The following CASK variants were observed in gnomAD, a reference collection of about 807,000 sequenced individuals.
CASK encodes peripheral plasma membrane protein CASK.
A neutral mutation model predicts 82.9 loss-of-function variants in CASK; 4 were observed. The ratio of observed to expected loss-of-function variants is 0.05; its 90% CI spans 0.02 to 0.11. The LOEUF (loss-of-function observed/expected upper bound fraction) is 0.11, where lower values mean the gene tolerates loss of function less well. Among genes scored for constraint, CASK ranks in the 10% least tolerant of loss-of-function variants. The pLI is 1.00. For missense variants in CASK, 358 were observed against 720.9 expected (o/e 0.50, Z 5.76); for synonymous variants, 259 against 253.5 (o/e 1.02, Z -0.20).
At chrX:41,844,955 CTA>C (rs1569466695) in intron 2 of CASK, among the ~76,000 whole-genome samples, 1 of 111,800 alleles carries the variant, frequency 8.9e-6, no homozygotes, top group Non-Finnish European at 1.9e-5. Context: ...CCACTGGCTA[CTA>C]TGTTAATTTC....
chrX:41,898,250 G>A (rs2072306812), intron 1 of CASK, among the ~76,000 whole-genome samples: 1 of 110,894 alleles, frequency 9.0e-6, no homozygotes, highest in Non-Finnish European at 1.9e-5. Flanking sequence ...CAAATTTGTT[G>A]GTATATAATT....
At chrX:41,839,467 A>G in intron 2 of CASK, among the ~76,000 whole-genome samples, 1 of 110,880 alleles carries the variant, frequency 9.0e-6, no homozygotes, top group East Asian at 2.8e-4. Flanking sequence ...GTATAGAGAA[A>G]TAACTGATTT....
chrX:41,799,818 G>A (rs2147859047), intron 2 of CASK, among the ~76,000 whole-genome samples: 1 of 103,318 alleles, frequency 9.7e-6, no homozygotes, highest in African/African-American at 3.5e-5. Flanking sequence ...CCACAGCTCT[G>A]TTTTGCCAAA....
At chrX:41,748,187 T>A (rs2068724931) in intron 3 of CASK, 1 of 113,933 alleles carries the variant, frequency 8.8e-6, no homozygotes, top group South Asian at 3.6e-4. Context: ...TTTAGGCTCT[T>A]TCTGCCATCT....
intron 1 of CASK, among the ~76,000 whole-genome samples, chrX:41,900,140 T>C (rs187856765): frequency 1.8e-4 from 20 of 110,608 alleles, no homozygotes; most frequent in African/African-American, 4.3e-4. Flanking sequence ...GATAGTCTTA[T>C]AGAGGTTTCC....
intron 10 of CASK, among the ~76,000 whole-genome samples, chrX:41,625,280 G>A (rs1480253839): frequency 9.5e-6 from 1 of 105,630 alleles, no homozygotes; most frequent in Non-Finnish European, 1.9e-5. Flanking sequence ...CTGCCTGCCG[G>A]GTTCACGCCA....
rs766036496 is a variant in CASK, at chrX:41,691,308, C to G, written c.430-19778G>C. Among the ~76,000 whole-genome samples, 5 of 111,829 alleles carry G rather than the reference C, an allele frequency of 4.5e-5. No homozygotes were observed. The South Asian group carries it at 1.9e-3, about 41-fold the overall frequency. ...TGAATGATTTGTGATTCTGTAAACT[C>G]TGGATTTACTTCCTTATAATAATGG... On this transcript the variant is annotated intron_variant, in intron 5 of 26. Coordinates refer to ENST00000378163, the MANE Select transcript of CASK (RefSeq NM_001367721.1).
In CASK at chrX:41,923,446, G is replaced by A. The variant is rs927158026; in HGVS notation, c.-458C>T. On this transcript the variant is annotated 5_prime_UTR_variant, in exon 1 of 27. Transcript: ENST00000378163. ...GGACCATGGAGCGAGGATCGCCGCG[G>A]AGGGAGGTGGCGGCGGCGGCGGATC... The A allele has an allele frequency of 8.1e-5, 9 of 111,457 alleles. No individual in the cohort carries two copies. Among genetic ancestry groups the A allele is most frequent in the South Asian group, 3.5e-4 (1 of 2,875 alleles). The allele number at this position is 111,457 out of a possible 1,213,427, so 9.2% of individuals were successfully genotyped here.
chrX:41,846,647 A>G (rs2071161365), intron 2 of CASK, among the ~76,000 whole-genome samples: 1 of 112,052 alleles, frequency 8.9e-6, no homozygotes, highest in Non-Finnish European at 1.9e-5. Flanking sequence ...GAAGTGATGA[A>G]TACCTCATTT....
At chrX:41,917,482 A>G (rs1369256854) in intron 1 of CASK, among the ~76,000 whole-genome samples, 2 of 112,293 alleles carry the variant, frequency 1.8e-5, no homozygotes, top group Non-Finnish European at 3.8e-5. Flanking sequence ...GAAGCAAGGT[A>G]TATCTGCTCC....
intron 12 of CASK, among the ~76,000 whole-genome samples, chrX:41,598,442 C>G (rs181234788): frequency 1.8e-3 from 200 of 111,291 alleles, no homozygotes; most frequent in African/African-American, 6.4e-3. Flanking sequence ...ACCTCCGCCT[C>G]CTGGGTTCAA....
At chrX:41,869,936 C>A (rs1461250474) in intron 1 of CASK, among the ~76,000 whole-genome samples, 1 of 106,214 alleles carries the variant, frequency 9.4e-6, no homozygotes, top group Non-Finnish European at 1.9e-5. Context: ...CCAGAATACA[C>A]CATGGAGAAA....
intron 5 of CASK, among the ~76,000 whole-genome samples, chrX:41,723,805 A>G (rs1205474368): frequency 8.9e-6 from 1 of 112,326 alleles, no homozygotes; most frequent in African/African-American, 3.2e-5. Context: ...TATTTTTGAT[A>G]AAGATGGATT....
At chrX:41,769,829 C>A (rs1219370778) in intron 3 of CASK, among the ~76,000 whole-genome samples, 1 of 110,346 alleles carries the variant, frequency 9.1e-6, no homozygotes, top group Non-Finnish European at 1.9e-5. Flanking sequence ...CCTGTCATCC[C>A]AGCTACTCAG....
intron 3 of CASK, among the ~76,000 whole-genome samples, chrX:41,750,913 C>A (rs945072569): frequency 3.6e-5 from 4 of 111,890 alleles, no homozygotes; most frequent in Non-Finnish European, 7.5e-5. Context: ...TGTTTACTGT[C>A]AATTTCTGTA....
intron 3 of CASK, among the ~76,000 whole-genome samples, chrX:41,747,009 G>C (rs1372920047): frequency 9.0e-6 from 1 of 110,967 alleles, no homozygotes; most frequent in Non-Finnish European, 1.9e-5. Flanking sequence ...ATAGTGTAAA[G>C]TCCTAAAGAA....
intron 15 of CASK, among the ~76,000 whole-genome samples, chrX:41,573,754 A>T (rs2065446895): frequency 8.9e-6 from 1 of 111,860 alleles, no homozygotes; most frequent in African/African-American, 3.3e-5. Context: ...TTTGTTGCAT[A>T]GTTGATGTTT....
intron 9 of CASK, among the ~76,000 whole-genome samples, chrX:41,634,297 G>A (rs1479444353): frequency 8.9e-6 from 1 of 112,571 alleles, no homozygotes; most frequent in Non-Finnish European, 1.9e-5. Flanking sequence ...CTTGAGGATG[G>A]TAGGTGTAAC....
At chrX:41,865,784 A>G in intron 1 of CASK, among the ~76,000 whole-genome samples, 1 of 111,126 alleles carries the variant, frequency 9.0e-6, no homozygotes, top group Non-Finnish European at 1.9e-5. Flanking sequence ...TCACAATGCT[A>G]TTTTGGTGTG....
Sources: gnomAD v4.1 joint callset for allele counts (sites outside exome capture counted in the v4.1 genomes callset) on GRCh38, gnomAD v4.1.1 for gene constraint, MANE v1.5 for transcripts, NCBI Gene and HGNC (gene_info 2026-07-23, HGNC 2026-07-21) for gene names.